Variants in DGKB observed in about 807,000 individuals in gnomAD.
DGKB encodes diacylglycerol kinase beta.
DGKB carries 67 observed loss-of-function variants against 114.3 expected under a neutral mutation model. That is an observed-to-expected ratio of 0.59 (90% CI 0.48 to 0.72). The LOEUF (loss-of-function observed/expected upper bound fraction) is 0.72, where lower values mean the gene tolerates loss of function less well. DGKB is among the 30% of genes least tolerant of loss of function. DGKB has a pLI of 0.00. For synonymous variants in DGKB, 398 were observed against 323.1 expected, an observed-to-expected ratio of 1.23 and a Z score of -2.49; for missense variants, 907 against 975.2, an observed-to-expected ratio of 0.93 and a Z score of 0.93.
intron 13 of DGKB, among the ~76,000 whole-genome samples, chr7:14,637,876 C>T (rs540327536): frequency 6.6e-6 from 1 of 151,850 alleles, no homozygotes; most frequent in East Asian, 1.9e-4. Flanking sequence ...CACTAAAATG[C>T]CACATTAACT....
chr7:14,797,202 C>T (rs1841526991), intron 2 of DGKB, among the ~76,000 whole-genome samples: 1 of 152,188 alleles, frequency 6.6e-6, no homozygotes, highest in African/African-American at 2.4e-5. Flanking sequence ...ACAAAAGTCT[C>T]ACCTGAGTCA....
intron 21 of DGKB, among the ~76,000 whole-genome samples, chr7:14,446,264 T>C (rs989070456): frequency 2.6e-5 from 4 of 152,142 alleles, no homozygotes; most frequent in Admixed American, 6.6e-5. Flanking sequence ...CAATGTTTCA[T>C]TCAATCGAAA....
chr7:14,565,875 T>A (rs186144881), intron 20 of DGKB, among the ~76,000 whole-genome samples: 153 of 152,266 alleles, frequency 1.0e-3, no homozygotes, highest in African/African-American at 3.2e-3. Context: ...GTAATTTTTT[T>A]AAAAACTGAG....
intron 1 of DGKB, among the ~76,000 whole-genome samples, chr7:14,845,236 G>C (rs1027675462): frequency 1.3e-5 from 2 of 151,732 alleles, no homozygotes; most frequent in Admixed American, 6.6e-5. Flanking sequence ...GATCTGTACA[G>C]GAATGCTAAC....
At position 14,197,868 on chromosome 7, in the gene DGKB, T is replaced by C. The variant is rs112289920; in HGVS notation, c.2123-19717A>G. Among the ~76,000 whole-genome samples the C allele has an allele frequency of 7.2e-4, 110 of 152,226 alleles. 2 individuals are homozygous for C. The highest frequency in any genetic ancestry group is 2.6e-3 in the African/African-American group (107 of 41,556). On this transcript the variant is annotated intron_variant, in intron 23 of 25. Transcript: ENST00000402815. ...TCATCGAGTGAAAAGGTAGGTAATA[T>C]TGAGCAAATGCTACAAATGGAATCA...
intron 20 of DGKB, among the ~76,000 whole-genome samples, chr7:14,506,512 G>A (rs939411040): frequency 1.3e-5 from 2 of 152,082 alleles, no homozygotes; most frequent in African/African-American, 2.4e-5. Context: ...CTAACTCTGG[G>A]AACTCAAGCA....
At chr7:14,642,607 A>T (rs1259751699) in intron 13 of DGKB, among the ~76,000 whole-genome samples, 2 of 152,206 alleles carry the variant, frequency 1.3e-5, no homozygotes, top group Non-Finnish European at 2.9e-5. Flanking sequence ...TCTCTAATTG[A>T]ATACAATCAA....
chr7:14,929,533 G>A (rs1472671947), intron 1 of DGKB, among the ~76,000 whole-genome samples: 1 of 152,048 alleles, frequency 6.6e-6, no homozygotes, highest in Non-Finnish European at 1.5e-5. Flanking sequence ...TTTGGAAAAT[G>A]TCTATTCATC....
chr7:14,708,917 T>C (rs1478838611), intron 6 of DGKB, among the ~76,000 whole-genome samples: 3 of 151,396 alleles, frequency 2.0e-5, no homozygotes, highest in African/African-American at 7.3e-5. Context: ...AAGGACTTCA[T>C]GTCCAAAACA....
At chr7:14,770,199 C>T (rs1837213190) in intron 2 of DGKB, among the ~76,000 whole-genome samples, 1 of 151,962 alleles carries the variant, frequency 6.6e-6, no homozygotes, top group Non-Finnish European at 1.5e-5. Flanking sequence ...CTGGTAGGAA[C>T]ACCTGTGAAG....
At chr7:14,285,944 C>A (rs1380006914) in intron 23 of DGKB, among the ~76,000 whole-genome samples, 1 of 152,078 alleles carries the variant, frequency 6.6e-6, no homozygotes, top group African/African-American at 2.4e-5. Context: ...TCTACCTTTT[C>A]TCTATTACTA....
At chr7:14,693,189 T>C (rs1823190337) in intron 9 of DGKB, among the ~76,000 whole-genome samples, 1 of 152,182 alleles carries the variant, frequency 6.6e-6, no homozygotes, top group Non-Finnish European at 1.5e-5. Context: ...ACTCTAAATA[T>C]TACAATTTCA....
chr7:14,203,936 A>G (rs1000190890), intron 23 of DGKB, among the ~76,000 whole-genome samples: 6 of 151,908 alleles, frequency 3.9e-5, no homozygotes, highest in Non-Finnish European at 8.8e-5. Context: ...GTCTGATAAC[A>G]TGGATAAAAA....
At chr7:14,689,282 T>C (rs1822382873) in intron 9 of DGKB, among the ~76,000 whole-genome samples, 1 of 143,118 alleles carries the variant, frequency 7.0e-6, no homozygotes, top group Admixed American at 7.5e-5. Context: ...CTCGGCTCAC[T>C]GCAAGCTCCG....
chr7:14,549,660 A>T (rs986637829), intron 20 of DGKB, among the ~76,000 whole-genome samples: 4 of 152,172 alleles, frequency 2.6e-5, no homozygotes, highest in Non-Finnish European at 5.9e-5. Flanking sequence ...ATTTAAAAAC[A>T]CAGAAAAGTT....
chr7:14,969,372 G>A (rs1325021180), intron 1 of DGKB, among the ~76,000 whole-genome samples: 1 of 152,136 alleles, frequency 6.6e-6, no homozygotes, highest in African/African-American at 2.4e-5. Context: ...CCTGTTGTTA[G>A]GTGATTTCCT....
intron 9 of DGKB, among the ~76,000 whole-genome samples, chr7:14,687,520 T>A (rs1821930059): frequency 6.6e-6 from 1 of 152,176 alleles, no homozygotes; most frequent in Non-Finnish European, 1.5e-5. Flanking sequence ...GAATACTTTA[T>A]ATATTTAACT....
intron 2 of DGKB, among the ~76,000 whole-genome samples, chr7:14,765,282 C>G (rs899369701): frequency 7.2e-5 from 11 of 151,998 alleles, no homozygotes; most frequent in Non-Finnish European, 7.4e-5. Context: ...TCACTCTCTA[C>G]TTGTTCCTGC....
chr7:14,516,896 G>A (rs1554488095), intron 20 of DGKB, among the ~76,000 whole-genome samples: 1 of 151,948 alleles, frequency 6.6e-6, no homozygotes, highest in Non-Finnish European at 1.5e-5. Context: ...GCAACTTACA[G>A]ATTCAATACT....
Sources: allele counts gnomAD v4.1 joint callset (sites outside exome capture counted in the v4.1 genomes callset), GRCh38; gene constraint gnomAD v4.1.1; transcripts MANE v1.5; gene names NCBI Gene and HGNC (gene_info 2026-07-23, HGNC 2026-07-21).